The following ZNF536 variants were observed in gnomAD, a reference collection of about 807,000 sequenced individuals.
ZNF536 encodes zinc finger protein 536.
A neutral mutation model predicts 84.5 loss-of-function variants in ZNF536; 13 were observed. That is an observed-to-expected ratio of 0.15 (90% confidence interval 0.10 to 0.24). ZNF536 has a LOEUF of 0.24. Ranked by LOEUF, ZNF536 falls within the 10% of genes least tolerant of loss-of-function variation. The probability of loss-of-function intolerance (pLI) is 1.00; values close to 1 mark genes in which losing one functional copy is unlikely to be tolerated. For synonymous variants in ZNF536, 811 were observed against 742.5 expected (o/e 1.09, Z -1.50); for missense variants, 1,536 against 1,747.5 (o/e 0.88, Z 2.16).
chr19:30,347,348 C>G (rs1056626506), intron 2 of ZNF536, among the ~76,000 whole-genome samples: 3 of 152,178 alleles, frequency 2.0e-5, no homozygotes, highest in Admixed American at 1.3e-4. Context: ...GTCTAGCCGC[C>G]TGCTTTTTGG....
chr19:30,458,447 GTT>G (rs3084731), intron 2 of ZNF536, among the ~76,000 whole-genome samples: 10 of 83,480 alleles, frequency 1.2e-4, no homozygotes, highest in African/African-American at 3.4e-4. Flanking sequence ...ATTTCCTGCT[GTT>G]TTTTTTTTTT....
intron 1 of ZNF536, among the ~76,000 whole-genome samples, chr19:30,407,156 C>A (rs530196049): frequency 1.3e-5 from 2 of 152,330 alleles, no homozygotes; most frequent in South Asian, 2.1e-4. Context: ...TCCTCCCTGA[C>A]CTACCCTGTC....
intron 1 of ZNF536, among the ~76,000 whole-genome samples, chr19:30,620,094 A>G (rs1274558160): frequency 6.6e-6 from 1 of 151,300 alleles, no homozygotes; most frequent in Non-Finnish European, 1.5e-5. Context: ...AATAACAAGA[A>G]CACGTTTAGT....
intron 1 of ZNF536, among the ~76,000 whole-genome samples, chr19:30,573,012 C>G (rs892273756): frequency 3.3e-5 from 5 of 152,064 alleles, no homozygotes; most frequent in African/African-American, 1.2e-4. Context: ...CTGCACCAGA[C>G]GCACCAGTGT....
At chr19:30,436,572 A>G (rs2051758704) in intron 1 of ZNF536, 2 of 924,198 alleles carry the variant, frequency 2.2e-6, no homozygotes, top group Non-Finnish European at 2.6e-6. Context: ...CAGCTGTTTA[A>G]TGACCCTGAA....
At chr19:30,435,233 GTGA>G (rs1292127412) in intron 1 of ZNF536, among the ~76,000 whole-genome samples, 1 of 148,838 alleles carries the variant, frequency 6.7e-6, no homozygotes, top group Non-Finnish European at 1.5e-5. Flanking sequence ...GATGGTGATA[GTGA>G]TGATGATGGT....
chr19:30,294,685 G>A (rs2045945163), intron 2 of ZNF536, among the ~76,000 whole-genome samples: 1 of 152,140 alleles, frequency 6.6e-6, no homozygotes, highest in African/African-American at 2.4e-5. Context: ...GCCCCCATGA[G>A]TGGCAGACTC....
At chr19:30,265,011 T>C (rs1486098770) in intron 1 of ZNF536, among the ~76,000 whole-genome samples, 1 of 150,682 alleles carries the variant, frequency 6.6e-6, no homozygotes, top group African/African-American at 2.5e-5. Flanking sequence ...AACACTCATC[T>C]CGCAGCCATT....
intron 2 of ZNF536, among the ~76,000 whole-genome samples, chr19:30,499,862 A>C (rs1174786825): frequency 6.6e-6 from 1 of 152,128 alleles, no homozygotes; most frequent in Non-Finnish European, 1.5e-5. Flanking sequence ...TGGTGGCTGC[A>C]TGGGTCAGGG....
chr19:30,524,139 A>G (rs973579043), intron 2 of ZNF536, among the ~76,000 whole-genome samples: 1 of 152,298 alleles, frequency 6.6e-6, no homozygotes, highest in East Asian at 1.9e-4. Flanking sequence ...ATTATTTAAA[A>G]TGGTGTGTGT....
intron 1 of ZNF536, among the ~76,000 whole-genome samples, chr19:30,634,960 ATT>A (rs2049012467): frequency 6.6e-6 from 1 of 152,120 alleles, no homozygotes; most frequent in South Asian, 2.1e-4. Flanking sequence ...AGCAGTCTCC[ATT>A]TGTTCTGCTT....
chr19:30,601,441 C>T (rs1005828709), intron 1 of ZNF536, among the ~76,000 whole-genome samples: 4 of 152,128 alleles, frequency 2.6e-5, no homozygotes, highest in African/African-American at 9.7e-5. Context: ...GGACACAGCC[C>T]CTGATGGGGG....
intron 1 of ZNF536, among the ~76,000 whole-genome samples, chr19:30,644,018 A>G (rs1486974790): frequency 6.6e-6 from 1 of 152,196 alleles, no homozygotes; most frequent in African/African-American, 2.4e-5. Context: ...TGTGTTGTAA[A>G]TGTCATCTAT....
chr19:30,249,422 G>A (rs981268084), intron 1 of ZNF536, among the ~76,000 whole-genome samples: 2 of 152,132 alleles, frequency 1.3e-5, no homozygotes, highest in African/African-American at 4.8e-5. Context: ...TGTGGCATGA[G>A]TTCTATAGGT....
At chr19:30,288,101 T>C (rs1306883520) in intron 2 of ZNF536, among the ~76,000 whole-genome samples, 21 of 152,228 alleles carry the variant, frequency 1.4e-4, no homozygotes, top group Non-Finnish European at 2.6e-4. Context: ...GTTATAAAAA[T>C]GTCTTTAAAA....
chr19:30,573,078 C>T (rs1018723535), intron 1 of ZNF536, among the ~76,000 whole-genome samples: 1 of 152,112 alleles, frequency 6.6e-6, no homozygotes, highest in Non-Finnish European at 1.5e-5. Flanking sequence ...AAGACAAAGA[C>T]CCTCAGATGA....
intron 1 of ZNF536, among the ~76,000 whole-genome samples, chr19:30,416,322 GTTC>G (rs2050733055): frequency 1.5e-5 from 2 of 136,234 alleles, no homozygotes; most frequent in African/African-American, 2.8e-5. Flanking sequence ...GTACATCTTG[GTTC>G]TTCTTTGTTG....
At chr19:30,425,442 T>C (rs1403207643) in intron 1 of ZNF536, among the ~76,000 whole-genome samples, 2 of 152,188 alleles carry the variant, frequency 1.3e-5, no homozygotes, top group African/African-American at 4.8e-5. Context: ...TATTGACTCA[T>C]ATCAGTGCAA....
At position 30,376,451 on chromosome 19, in the gene ZNF536, A is replaced by G. The variant is rs568221401; in HGVS notation, c.-3+3895A>G. 4.6e-5 allele frequency among the ~76,000 whole-genome samples: 7 copies of G among 152,258 alleles called. No individual in the cohort carries two copies. The East Asian group carries it at 1.2e-3, about 25-fold the overall frequency. On this transcript the variant is annotated intron_variant, in intron 1 of 4. Transcript: ENST00000355537. ...ACTTATACCAGATAATGAGGCTGGGAACAGCCACCAGAGCCCTCACAGACC... is the reference window on the plus strand; with the variant it reads ...ACTTATACCAGATAATGAGGCTGGGGACAGCCACCAGAGCCCTCACAGACC...
Sources: gnomAD v4.1 joint callset for allele counts (sites outside exome capture counted in the v4.1 genomes callset) on GRCh38, gnomAD v4.1.1 for gene constraint, MANE v1.5 for transcripts, NCBI Gene and HGNC (gene_info 2026-07-23, HGNC 2026-07-21) for gene names.